OCA2: variants seen among roughly 807,000 people sequenced by gnomAD.
OCA2 encodes P protein.
OCA2 carries 77 observed loss-of-function variants against 100.2 expected under a neutral mutation model. That is an observed-to-expected ratio of 0.77 (90% CI 0.64 to 0.93). The LOEUF (loss-of-function observed/expected upper bound fraction) is 0.93. Among genes scored for constraint, OCA2 ranks in the 40% least tolerant of loss-of-function variants. The probability of loss-of-function intolerance (pLI) is 0.00; values close to 1 mark genes in which losing one functional copy is unlikely to be tolerated. For missense variants in OCA2, 1,062 were observed against 1,089.1 expected (o/e 0.98, Z 0.35); for synonymous variants, 432 against 439.2 (o/e 0.98, Z 0.21).
chr15:27,750,533 C>T (rs951566386), downstream of OCA2, among the ~76,000 whole-genome samples: 1 of 152,316 alleles, frequency 6.6e-6, no homozygotes, highest in African/African-American at 2.4e-5. Context: ...CAGCTGTCCC[C>T]TAGCATTCCC....
chr15:27,943,923 C>T (rs2039742720), intron 18 of OCA2, among the ~76,000 whole-genome samples: 1 of 152,170 alleles, frequency 6.6e-6, no homozygotes, highest in Admixed American at 6.5e-5. Flanking sequence ...GTCCTCCTAA[C>T]ATGTATAAAA....
At chr15:27,894,786 C>A (rs1378993978) in intron 19 of OCA2, among the ~76,000 whole-genome samples, 4 of 152,164 alleles carry the variant, frequency 2.6e-5, no homozygotes, top group Non-Finnish European at 5.9e-5. Context: ...GTGACGTACA[C>A]CTCTGTCTGG....
chr15:28,009,517 G>A (rs552754147), intron 9 of OCA2, among the ~76,000 whole-genome samples: 18 of 152,184 alleles, frequency 1.2e-4, no homozygotes, highest in South Asian at 4.2e-4. Flanking sequence ...GCAAAAGCCC[G>A]TCTCTACTAA....
chr15:28,089,535 G>T (rs753912743), intron 1 of OCA2, among the ~76,000 whole-genome samples: 5 of 152,050 alleles, frequency 3.3e-5, no homozygotes, highest in Non-Finnish European at 7.4e-5. Context: ...TCCATTCGGG[G>T]TCCCTGACTT....
intron 1 of OCA2, among the ~76,000 whole-genome samples, chr15:28,086,835 G>GA (rs1290483683): frequency 6.6e-6 from 1 of 152,080 alleles, no homozygotes; most frequent in Non-Finnish European, 1.5e-5. Context: ...AGGGGACAGA[G>GA]AAAAGAATCA....
At chr15:27,800,104 C>A (rs1189795918) in intron 23 of OCA2, among the ~76,000 whole-genome samples, 1 of 152,094 alleles carries the variant, frequency 6.6e-6, no homozygotes, top group Admixed American at 6.5e-5. Context: ...TCTAAATAAC[C>A]TGTAGATCAA....
chr15:27,858,442 C>T (rs1050538154), intron 21 of OCA2, among the ~76,000 whole-genome samples: 4 of 148,948 alleles, frequency 2.7e-5, no homozygotes, highest in Admixed American at 2.7e-4. Context: ...CAGGATACAT[C>T]TTACACATTT....
intron 23 of OCA2, among the ~76,000 whole-genome samples, chr15:27,786,959 T>C (rs771501402): frequency 3.9e-4 from 59 of 152,270 alleles, no homozygotes; most frequent in Middle Eastern, 3.4e-3. Context: ...TGTTCCCTTC[T>C]ATTTCTACTG....
intron 19 of OCA2, among the ~76,000 whole-genome samples, chr15:27,884,639 A>G (rs1358036456): frequency 6.6e-6 from 1 of 152,242 alleles, no homozygotes; most frequent in African/African-American, 2.4e-5. Context: ...TCCATTTAAA[A>G]TCATCTGTAA....
intron 2 of OCA2, among the ~76,000 whole-genome samples, chr15:28,061,665 G>A (rs914991766): frequency 6.6e-6 from 1 of 152,238 alleles, no homozygotes; most frequent in South Asian, 2.1e-4. Context: ...CGAGGAACAG[G>A]CCCTCACCAG....
intron 14 of OCA2, among the ~76,000 whole-genome samples, chr15:27,967,334 G>A (rs553990716): frequency 8.5e-5 from 13 of 152,202 alleles, no homozygotes; most frequent in Non-Finnish European, 1.8e-4. Context: ...AATTGTTAAC[G>A]TTTGTTTCTT....
At chr15:27,940,325 C>T (rs1388719142) in intron 18 of OCA2, among the ~76,000 whole-genome samples, 1 of 152,212 alleles carries the variant, frequency 6.6e-6, no homozygotes, top group Non-Finnish European at 1.5e-5. Context: ...CCCTACTGGA[C>T]CCCCAGAAAG....
intron 23 of OCA2, among the ~76,000 whole-genome samples, chr15:27,836,231 C>A (rs2035146011): frequency 6.6e-6 from 1 of 152,136 alleles, no homozygotes; most frequent in Non-Finnish European, 1.5e-5. Flanking sequence ...AGGAGAGGTT[C>A]TTTGAGTTTA....
At chr15:27,983,526 A>G in intron 13 of OCA2, 43 bp from the exon 14 acceptor site, 2 of 1,609,116 alleles carry the variant, frequency 1.2e-6, no homozygotes, top group Non-Finnish European at 1.7e-6. Context: ...CACTATACAC[A>G]TCGTGAAAGG....
intron 23 of OCA2, among the ~76,000 whole-genome samples, chr15:27,787,067 T>C (rs2032850121): frequency 6.6e-6 from 1 of 152,164 alleles, no homozygotes; most frequent in Non-Finnish European, 1.5e-5. Context: ...CCCTTTATGC[T>C]ATTAAAAGGA....
At chr15:27,767,804 A>G (rs2031385383) in intron 23 of OCA2, among the ~76,000 whole-genome samples, 1 of 152,248 alleles carries the variant, frequency 6.6e-6, no homozygotes, top group Non-Finnish European at 1.5e-5. Context: ...CCCAGCCAGC[A>G]GAGGCAACCT....
intron 3 of OCA2, among the ~76,000 whole-genome samples, chr15:28,031,840 G>A (rs117741011): frequency 0.015 from 2,260 of 152,296 alleles, 28 homozygotes; most frequent in South Asian, 0.027. Context: ...ATGAGTGTGC[G>A]TGTGTGCTGT....
At chr15:27,805,999 C>T (rs547306001) in intron 23 of OCA2, among the ~76,000 whole-genome samples, 46 of 152,334 alleles carry the variant, frequency 3.0e-4, no homozygotes, top group African/African-American at 1.1e-3. Flanking sequence ...CAGGCCGTGA[C>T]AAACTATTTA....
chr15:27,896,638 CA>C (rs58489908), intron 19 of OCA2: 2,302 of 141,394 alleles, frequency 0.016, 28 homozygotes, highest in African/African-American at 0.043. Flanking sequence ...TTATTGACAG[CA>C]AAAAAAAAAA....
Sources: allele counts gnomAD v4.1 joint callset (sites outside exome capture counted in the v4.1 genomes callset), GRCh38; gene constraint gnomAD v4.1.1; transcripts MANE v1.5; gene names NCBI Gene and HGNC (gene_info 2026-07-23, HGNC 2026-07-21).